The following ABHD5 variants were observed in gnomAD, a reference collection of about 807,000 sequenced individuals.
The protein encoded by ABHD5 is abhydrolase domain containing 5, lysophosphatidic acid acyltransferase.
ABHD5 carries 30 observed loss-of-function variants against 44.9 expected under a neutral mutation model. The observed-to-expected ratio is 0.67, with a 90% CI of 0.50 to 0.91. ABHD5 has a LOEUF of 0.91. ABHD5 is among the 40% of genes least tolerant of loss of function. The pLI is 0.00. For synonymous variants in ABHD5, 167 were observed against 147.0 expected, an observed-to-expected ratio of 1.14 and a Z score of -0.99; for missense variants, 399 against 423.4, an observed-to-expected ratio of 0.94 and a Z score of 0.50.
chr3:43,691,708 T>C (rs1431869917), intron 1 of ABHD5: 6 of 152,186 alleles, frequency 3.9e-5, no homozygotes, highest in Non-Finnish European at 7.4e-5. Context: ...AGATACTTCA[T>C]AGAAAGAAAG....
intron 2 of ABHD5, 175 bp downstream of exon 2, chr3:43,699,536 A>G (rs2149594206): frequency 3.0e-6 from 2 of 666,394 alleles, no homozygotes; most frequent in Non-Finnish European, 5.2e-6. Flanking sequence ...GCTGGCAGGT[A>G]GGAGTTCTAA....
chr3:43,730,499 C>CTTTTT (rs68058215), intron 7 of ABHD5, among the ~76,000 whole-genome samples: 12 of 68,982 alleles, frequency 1.7e-4, no homozygotes, highest in South Asian at 5.8e-4. Flanking sequence ...AAAATAATCC[C>CTTTTT]TTTTTTTTTT....
chr3:43,694,622 G>T (rs1198871372), intron 1 of ABHD5, among the ~76,000 whole-genome samples: 1 of 152,036 alleles, frequency 6.6e-6, no homozygotes, highest in African/African-American at 2.4e-5. Flanking sequence ...TGTGAAGGAA[G>T]GTAGGAAACA....
At chr3:43,700,665 C>G (rs573654561) in intron 2 of ABHD5, among the ~76,000 whole-genome samples, 3 of 152,026 alleles carry the variant, frequency 2.0e-5, no homozygotes, top group Non-Finnish European at 2.9e-5. Flanking sequence ...CCTCTGCCTC[C>G]TGGGTTCAAG....
At chr3:43,702,098 A>C in intron 2 of ABHD5, 117 bp from the exon 3 acceptor site, 1 of 863,562 alleles carries the variant, frequency 1.2e-6, no homozygotes, top group Non-Finnish European at 1.7e-6. Context: ...CTGACAATAC[A>C]AGCTAAAATC....
intron 2 of ABHD5, chr3:43,699,859 A>G (rs766340454): frequency 1.0e-4 from 17 of 162,394 alleles, no homozygotes; most frequent in Non-Finnish European, 1.9e-4. Flanking sequence ...GTAATCACAT[A>G]TGTGACTTCT....
intron 2 of ABHD5, 75 bp from the exon 3 acceptor site, chr3:43,702,140 T>G: frequency 1.5e-6 from 2 of 1,329,272 alleles, no homozygotes; most frequent in Admixed American, 4.8e-5. Flanking sequence ...TTTGTAATTT[T>G]TGGTTGCTCT....
At chr3:43,727,822 T>C (rs760904665) in intron 7 of ABHD5, among the ~76,000 whole-genome samples, 4 of 152,198 alleles carry the variant, frequency 2.6e-5, no homozygotes, top group Non-Finnish European at 5.9e-5. Context: ...TTGATCAGGC[T>C]GGTCTTGAAC....
intron 1 of ABHD5, among the ~76,000 whole-genome samples, chr3:43,698,833 A>G (rs139894248): frequency 6.6e-6 from 1 of 152,304 alleles, no homozygotes; most frequent in African/African-American, 2.4e-5. Context: ...CTCAGATTTT[A>G]ATAAGGTGCC....
chr3:43,696,655 G>T (rs992294733), intron 1 of ABHD5, among the ~76,000 whole-genome samples: 6 of 152,118 alleles, frequency 3.9e-5, no homozygotes, highest in African/African-American at 1.2e-4. Context: ...AAAAGATAAG[G>T]CCCTTGCTTT....
intron 3 of ABHD5, among the ~76,000 whole-genome samples, chr3:43,711,207 T>A (rs1314361969): frequency 6.6e-6 from 1 of 152,244 alleles, no homozygotes; most frequent in Non-Finnish European, 1.5e-5. Context: ...TTGAACCCGC[T>A]TTAAGTCCTT....
intron 3 of ABHD5, among the ~76,000 whole-genome samples, chr3:43,708,699 C>A (rs1447567125): frequency 6.6e-6 from 1 of 152,140 alleles, no homozygotes; most frequent in Non-Finnish European, 1.5e-5. Flanking sequence ...TTTCTGGGGT[C>A]TTTACATGTA....
At chr3:43,732,734 T>A (rs1426989582) in intron 7 of ABHD5, among the ~76,000 whole-genome samples, 1 of 152,220 alleles carries the variant, frequency 6.6e-6, no homozygotes, top group Non-Finnish European at 1.5e-5. Flanking sequence ...GGATGAAGAA[T>A]TCAGACATGG....
chr3:43,702,990 G>C (rs936110982), intron 3 of ABHD5, among the ~76,000 whole-genome samples: 2 of 152,078 alleles, frequency 1.3e-5, no homozygotes. Flanking sequence ...ACTAGTGCTA[G>C]CTCTATGACT....
chr3:43,697,058 A>G lies in ABHD5; in HGVS notation c.48-2218A>G, dbSNP rs1389573798. Among the ~76,000 whole-genome samples the G allele has an allele frequency of 2.0e-5, 3 of 152,314 alleles. No homozygotes were observed. In the East Asian group the frequency reaches 5.8e-4, roughly 29 times the overall value. On this transcript the variant is annotated intron_variant, in intron 1 of 6. Transcript: ENST00000644371. ...TCTCTGAGTTGAGCTGGTCACTAGA[A>G]GGCAAATCCATGGACAGACAGTCCC...
At chr3:43,695,961 A>G (rs190102161) in intron 1 of ABHD5, among the ~76,000 whole-genome samples, 4 of 152,322 alleles carry the variant, frequency 2.6e-5, no homozygotes, top group Admixed American at 1.3e-4. Context: ...TTGCACTACA[A>G]TGGTTGTAAA....
At chr3:43,692,401 CTT>C (rs1369846366) in intron 1 of ABHD5, among the ~76,000 whole-genome samples, 2 of 152,178 alleles carry the variant, frequency 1.3e-5, no homozygotes, top group Admixed American at 6.5e-5. Flanking sequence ...ATTTTTGACT[CTT>C]GACACTACTT....
At chr3:43,699,651 G>A in intron 2 of ABHD5, 1 of 234,234 alleles carries the variant, frequency 4.3e-6, no homozygotes, top group Non-Finnish European at 8.4e-6. Flanking sequence ...AATACAATTA[G>A]AAATTAAAAT....
At chr3:43,706,234 A>C (rs1228382425) in intron 3 of ABHD5, among the ~76,000 whole-genome samples, 8 of 152,182 alleles carry the variant, frequency 5.3e-5, no homozygotes, top group Non-Finnish European at 1.2e-4. Context: ...CAGGTACTGA[A>C]CTACATACTC....
Sources: gnomAD v4.1 joint callset for allele counts (sites outside exome capture counted in the v4.1 genomes callset) on GRCh38, gnomAD v4.1.1 for gene constraint, MANE v1.5 for transcripts, NCBI Gene and HGNC (gene_info 2026-07-23, HGNC 2026-07-21) for gene names.